RBFOX1: variants seen among roughly 807,000 people sequenced by gnomAD.
The protein encoded by RBFOX1 is RNA binding protein fox-1 homolog 1.
In RBFOX1, 8 loss-of-function variants were observed where a neutral mutation model predicts 57.7. The observed-to-expected ratio is 0.14, with a 90% CI of 0.08 to 0.25. The LOEUF is 0.25. Among genes scored for constraint, RBFOX1 ranks in the 10% least tolerant of loss-of-function variants. The pLI is 1.00. For missense variants in RBFOX1, 611 were observed against 548.5 expected, an observed-to-expected ratio of 1.11 and a Z score of -1.14; for synonymous variants, 326 against 222.4, an observed-to-expected ratio of 1.47 and a Z score of -4.15.
chr16:7,661,397 CAGCCATAGGT>C (rs2067684356), intron 12 of RBFOX1, among the ~76,000 whole-genome samples: 1 of 152,142 alleles, frequency 6.6e-6, no homozygotes. Context: ...GTGGGTCTTC[CAGCCATAGGT>C]CTTGCCTTGC....
At chr16:7,340,484 A>T (rs976805681) in intron 4 of RBFOX1, among the ~76,000 whole-genome samples, 1 of 152,206 alleles carries the variant, frequency 6.6e-6, no homozygotes, top group African/African-American at 2.4e-5. Context: ...AATTACAGTC[A>T]TGTCTTCCAC....
At chr16:6,866,480 G>C (rs918445635) in intron 3 of RBFOX1, among the ~76,000 whole-genome samples, 3 of 146,830 alleles carry the variant, frequency 2.0e-5, no homozygotes, top group Non-Finnish European at 3.0e-5. Flanking sequence ...AATGCAAAAA[G>C]TGTGTTTCAC....
intron 1 of RBFOX1, among the ~76,000 whole-genome samples, chr16:6,075,965 G>A (rs900314571): frequency 6.6e-6 from 1 of 152,164 alleles, no homozygotes; most frequent in African/African-American, 2.4e-5. Flanking sequence ...TACAGTAGAT[G>A]AAACAGAGGC....
At chr16:7,372,631 A>G (rs951929089) in intron 4 of RBFOX1, among the ~76,000 whole-genome samples, 1 of 152,154 alleles carries the variant, frequency 6.6e-6, no homozygotes, top group Non-Finnish European at 1.5e-5. Context: ...AGTGCACAGA[A>G]TGGTGGAGGG....
At chr16:6,838,865 C>A (rs1419712911) in intron 3 of RBFOX1, among the ~76,000 whole-genome samples, 1 of 152,120 alleles carries the variant, frequency 6.6e-6, no homozygotes, top group Non-Finnish European at 1.5e-5. Context: ...GAAAATCACA[C>A]TGAGAATCTC....
chr16:5,628,667 T>C (rs779417407), intron 3 of RBFOX1, among the ~76,000 whole-genome samples: 13 of 152,226 alleles, frequency 8.5e-5, no homozygotes, highest in Non-Finnish European at 1.6e-4. Context: ...GGATAAATGA[T>C]GGAAGAAGCC....
chr16:7,185,073 G>A (rs1422693156), intron 4 of RBFOX1, among the ~76,000 whole-genome samples: 1 of 152,156 alleles, frequency 6.6e-6, no homozygotes, highest in African/African-American at 2.4e-5. Context: ...AGTACATGGA[G>A]GAATGTCCAT....
At chr16:5,463,068 A>G (rs780441696) in intron 1 of RBFOX1, among the ~76,000 whole-genome samples, 3 of 152,352 alleles carry the variant, frequency 2.0e-5, no homozygotes, top group Non-Finnish European at 4.4e-5. Context: ...GTATATATAC[A>G]TAGATGATAG....
chr16:6,674,486 T>G lies in RBFOX1; in HGVS notation c.-16+19836T>G, dbSNP rs140346587. On this transcript the variant is annotated intron_variant, in intron 3 of 15. Transcript: ENST00000550418. The stretch of plus-strand genomic sequence containing the variant: ...ATAGGCACCTGTCACCATGCCCGGC[T>G]AATTTTTGTATTTTTAGTAGAGACG... 4.8e-3 allele frequency among the ~76,000 whole-genome samples: 733 copies of G among 152,160 alleles called. 1 individual carries two copies. Among genetic ancestry groups the G allele is most frequent in the African/African-American group, 0.016 (671 of 41,524 alleles).
chr16:7,196,568 A>G (rs191479704), intron 4 of RBFOX1, among the ~76,000 whole-genome samples: 144 of 152,302 alleles, frequency 9.5e-4, no homozygotes, highest in Admixed American at 2.0e-3. Context: ...CCTGACAACA[A>G]TCCTGAGCCA....
intron 3 of RBFOX1, among the ~76,000 whole-genome samples, chr16:5,839,787 C>T (rs78431933): frequency 0.094 from 14,378 of 152,168 alleles, 737 homozygotes; most frequent in South Asian, 0.15. Flanking sequence ...TGGATGAATG[C>T]GGTTTTCTTT....
chr16:6,276,757 C>T (rs1432085216), intron 1 of RBFOX1, among the ~76,000 whole-genome samples: 1 of 151,962 alleles, frequency 6.6e-6, no homozygotes, highest in Non-Finnish European at 1.5e-5. Flanking sequence ...TTCTTTATCA[C>T]AGCATCCTGT....
At chr16:5,515,242 G>C (rs929641705) in intron 2 of RBFOX1, among the ~76,000 whole-genome samples, 2 of 152,250 alleles carry the variant, frequency 1.3e-5, no homozygotes, top group African/African-American at 4.8e-5. Context: ...CCTACTGTCA[G>C]CTCCATGTGG....
chr16:7,339,719 T>A (rs1351815152), intron 4 of RBFOX1, among the ~76,000 whole-genome samples: 5 of 152,160 alleles, frequency 3.3e-5, no homozygotes, highest in African/African-American at 1.2e-4. Context: ...GGATTACAGG[T>A]GCAAGCCACT....
At chr16:6,550,050 T>C (rs1428540816) in intron 2 of RBFOX1, among the ~76,000 whole-genome samples, 3 of 152,188 alleles carry the variant, frequency 2.0e-5, no homozygotes, top group Admixed American at 2.0e-4. Context: ...CACCATTCCA[T>C]ACTTTATGAC....
Position 6,977,117 on chromosome 16 carries a change from TA to T in RBFOX1, c.-15-74939del, listed in dbSNP as rs2087180738. ...ATATATATATCATATATATGATCTA[TA>T]TTATCATATATATGATATATATTAT... On this transcript the variant is annotated intron_variant, in intron 3 of 15. Coordinates refer to ENST00000550418, the MANE Select transcript of RBFOX1 (RefSeq NM_018723.4). Among the ~76,000 whole-genome samples the T allele has an allele frequency of 2.1e-5, 3 of 142,096 alleles. No individual in the cohort carries two copies. In the Admixed American group the frequency reaches 2.2e-4, roughly 10 times the overall value. 93.2% of individuals were successfully genotyped at this position (142,096 alleles called of 152,430 possible).
At chr16:6,156,953 C>T (rs529838017) in intron 1 of RBFOX1, among the ~76,000 whole-genome samples, 1 of 152,184 alleles carries the variant, frequency 6.6e-6, no homozygotes, top group East Asian at 1.9e-4. Context: ...GATCCTCCCA[C>T]CTTTGCTTCT....
At chr16:5,549,371 G>A (rs1273168206) in intron 2 of RBFOX1, among the ~76,000 whole-genome samples, 2 of 152,132 alleles carry the variant, frequency 1.3e-5, no homozygotes, top group Non-Finnish European at 2.9e-5. Context: ...TCAAGCTGTG[G>A]GACCCTCAGT....
chr16:5,375,085 C>CAA (rs576765968), intron 1 of RBFOX1, among the ~76,000 whole-genome samples: 807 of 37,102 alleles, frequency 0.022, 97 homozygotes, highest in African/African-American at 0.071. Context: ...TTTAAATGGC[C>CAA]AAAAAAAAAA....
Sources: gnomAD v4.1 joint callset for allele counts (sites outside exome capture counted in the v4.1 genomes callset) on GRCh38, gnomAD v4.1.1 for gene constraint, MANE v1.5 for transcripts, NCBI Gene and HGNC (gene_info 2026-07-23, HGNC 2026-07-21) for gene names.